The following LRFN5 variants were observed in gnomAD, a reference collection of about 807,000 sequenced individuals.
LRFN5 encodes leucine-rich repeat and fibronectin type-III domain-containing protein 5.
In LRFN5, 24 loss-of-function variants were observed where a neutral mutation model predicts 45.6. That is an observed-to-expected ratio of 0.53 (90% confidence interval 0.38 to 0.74). LRFN5 has a LOEUF of 0.74. Among genes scored for constraint, LRFN5 ranks in the 30% least tolerant of loss-of-function variants. The pLI is 0.00. For missense variants in LRFN5, 776 were observed against 861.5 expected (o/e 0.90, Z 1.24); for synonymous variants, 340 against 313.8 (o/e 1.08, Z -0.88).
At chr14:41,710,500 C>A (rs1303002706) in intron 1 of LRFN5, among the ~76,000 whole-genome samples, 1 of 151,952 alleles carries the variant, frequency 6.6e-6, no homozygotes, top group East Asian at 1.9e-4. Flanking sequence ...AGAGTAACAG[C>A]ATAAGATACT....
At chr14:41,704,590 G>T (rs1882987284) in intron 1 of LRFN5, among the ~76,000 whole-genome samples, 1 of 151,768 alleles carries the variant, frequency 6.6e-6, no homozygotes, top group South Asian at 2.1e-4. Context: ...TCCCAAGCGG[G>T]TGGAACTACA....
intron 5 of LRFN5, among the ~76,000 whole-genome samples, chr14:41,901,178 TGAGAG>T (rs1428279951): frequency 6.6e-6 from 1 of 151,930 alleles, no homozygotes; most frequent in Non-Finnish European, 1.5e-5. Flanking sequence ...TAAAATGAAT[TGAGAG>T]GAAAGGGGAA....
At position 41,722,066 on chromosome 14, in the gene LRFN5, T is replaced by A. The variant is rs187034903; in HGVS notation, c.-196-44788T>A. The stretch of plus-strand genomic sequence containing the variant: ...TTTTTGAAGACTTTGTTCATTTTTT[T>A]AAATTATTTTTTCTTAATTTTTGTC... On this transcript the variant is annotated intron_variant, in intron 1 of 5. Coordinates refer to ENST00000298119, the MANE Select transcript of LRFN5 (RefSeq NM_152447.5). Among the ~76,000 whole-genome samples, 288 of 152,234 alleles carry A rather than the reference T, an allele frequency of 1.9e-3. 1 individual carries two copies. Among genetic ancestry groups the A allele is most frequent in the African/African-American group, 5.7e-3 (239 of 41,570 alleles).
intron 1 of LRFN5, among the ~76,000 whole-genome samples, chr14:41,689,246 C>T (rs921198848): frequency 1.3e-5 from 2 of 151,926 alleles, no homozygotes; most frequent in African/African-American, 2.4e-5. Context: ...GAAAGTCATA[C>T]GGAAAGCAAA....
intron 1 of LRFN5, among the ~76,000 whole-genome samples, chr14:41,728,353 C>CA (rs1216098624): frequency 6.6e-6 from 1 of 151,964 alleles, no homozygotes; most frequent in Non-Finnish European, 1.5e-5. Context: ...AATTGCTCAG[C>CA]AAAAAAGTTT....
intron 2 of LRFN5, among the ~76,000 whole-genome samples, chr14:41,861,293 ATTGTTTCTTTGCTTATTCG>A (rs1410668404): frequency 3.9e-5 from 6 of 152,056 alleles, no homozygotes; most frequent in Non-Finnish European, 7.4e-5. Flanking sequence ...TAGCTCGATT[ATTGTTTCTTTGCTTATTCG>A]TTGTTTCTTT....
At chr14:41,712,161 A>G (rs1883311364) in intron 1 of LRFN5, among the ~76,000 whole-genome samples, 1 of 152,182 alleles carries the variant, frequency 6.6e-6, no homozygotes, top group South Asian at 2.1e-4. Context: ...ATAATCTAAT[A>G]TATGTCAAAA....
At chr14:41,836,127 G>A (rs979403455) in intron 2 of LRFN5, among the ~76,000 whole-genome samples, 2 of 152,172 alleles carry the variant, frequency 1.3e-5, no homozygotes, top group Admixed American at 6.5e-5. Context: ...CTTGGACTTG[G>A]GGGAAAGAGG....
At chr14:41,886,225 TA>T (rs1890567402) in intron 2 of LRFN5, among the ~76,000 whole-genome samples, 1 of 152,140 alleles carries the variant, frequency 6.6e-6, no homozygotes, top group Admixed American at 6.5e-5. Context: ...TATCTTTATG[TA>T]ACAAGATGTC....
At chr14:41,712,615 A>T (rs1883331965) in intron 1 of LRFN5, among the ~76,000 whole-genome samples, 1 of 152,182 alleles carries the variant, frequency 6.6e-6, no homozygotes, top group South Asian at 2.1e-4. Flanking sequence ...TTAAATGAAC[A>T]GGTTTAGGTA....
chr14:41,669,008 T>C (rs548259769), intron 1 of LRFN5, among the ~76,000 whole-genome samples: 1 of 152,122 alleles, frequency 6.6e-6, no homozygotes, highest in South Asian at 2.1e-4. Context: ...AAGTAGAAAA[T>C]CAGGATGAAT....
chr14:41,696,045 A>G (rs1882595972), intron 1 of LRFN5, among the ~76,000 whole-genome samples: 2 of 152,118 alleles, frequency 1.3e-5, no homozygotes, highest in South Asian at 4.1e-4. Flanking sequence ...TAACTTTGAC[A>G]GACATTTGGA....
chr14:41,837,202 A>C (rs1594452728), intron 2 of LRFN5, among the ~76,000 whole-genome samples: 1 of 151,248 alleles, frequency 6.6e-6, no homozygotes, highest in Non-Finnish European at 1.5e-5. Flanking sequence ...CACAAAAAAA[A>C]AAAAAAAAAA....
intron 1 of LRFN5, among the ~76,000 whole-genome samples, chr14:41,737,421 A>G (rs1485795290): frequency 6.6e-6 from 1 of 152,174 alleles, no homozygotes; most frequent in Non-Finnish European, 1.5e-5. Flanking sequence ...AGCTGGAAGC[A>G]TTTCCTTTGA....
At chr14:41,716,735 CTCTG>C (rs1330535328) in intron 1 of LRFN5, among the ~76,000 whole-genome samples, 13 of 152,198 alleles carry the variant, frequency 8.5e-5, no homozygotes, top group Non-Finnish European at 1.9e-4. Flanking sequence ...ATGCTCCAAC[CTCTG>C]TCTGTTACCC....
chr14:41,661,420 C>G (rs1022694294), intron 1 of LRFN5, among the ~76,000 whole-genome samples: 1 of 151,880 alleles, frequency 6.6e-6, no homozygotes, highest in African/African-American at 2.4e-5. Flanking sequence ...TGTTAACAAC[C>G]CTCAAGGGTG....
At chr14:41,834,150 C>T (rs1888579901) in intron 2 of LRFN5, among the ~76,000 whole-genome samples, 1 of 152,082 alleles carries the variant, frequency 6.6e-6, no homozygotes, top group Non-Finnish European at 1.5e-5. Flanking sequence ...AAGGTATGTG[C>T]CACTTTTTCC....
chr14:41,873,600 T>A (rs1566496645), intron 2 of LRFN5, among the ~76,000 whole-genome samples: 1 of 152,066 alleles, frequency 6.6e-6, no homozygotes, highest in South Asian at 2.1e-4. Flanking sequence ...CTTCTGTATG[T>A]GGGTATGCCT....
rs992649176 is a variant in LRFN5, at chr14:41,894,556, G to T, written c.2098+2594G>T. The T allele has an allele frequency of 1.2e-4, 111 of 964,884 alleles. No individual in the cohort carries two copies. The African/African-American group carries it at 1.9e-3, about 16-fold the overall frequency. 59.8% of individuals were successfully genotyped at this position (964,884 alleles called of 1,614,324 possible). A position where few individuals can be genotyped will look rare whatever the true frequency, so the allele number is the denominator to read the frequency against. On this transcript the variant is annotated intron_variant, in intron 4 of 5. Coordinates refer to ENST00000298119, the MANE Select transcript of LRFN5 (RefSeq NM_152447.5). The stretch of plus-strand genomic sequence containing the variant: ...ATTTTAAGAGATTAACAAAAGACTG[G>T]CTTATCAAGAAGGTCAAAATTTTTT...
Sources: gnomAD v4.1 joint callset for allele counts (sites outside exome capture counted in the v4.1 genomes callset) on GRCh38, gnomAD v4.1.1 for gene constraint, MANE v1.5 for transcripts, NCBI Gene and HGNC (gene_info 2026-07-23, HGNC 2026-07-21) for gene names.